Variants in CAPZB observed in about 807,000 individuals in gnomAD.
The protein encoded by CAPZB is F-actin-capping protein subunit beta.
In CAPZB, 2 loss-of-function variants were observed where a neutral mutation model predicts 38.1. The observed-to-expected ratio is 0.05, with a 90% CI of 0.02 to 0.17. The LOEUF is 0.17. Among genes scored for constraint, CAPZB ranks in the 10% least tolerant of loss-of-function variants. The pLI is 1.00. For synonymous variants in CAPZB, 107 were observed against 127.4 expected, an observed-to-expected ratio of 0.84 and a Z score of 1.08; for missense variants, 161 against 334.2, an observed-to-expected ratio of 0.48 and a Z score of 4.04.
intron 2 of CAPZB, among the ~76,000 whole-genome samples, chr1:19,395,321 T>C (rs947902182): frequency 1.3e-5 from 2 of 152,192 alleles, no homozygotes; most frequent in Admixed American, 6.5e-5. Flanking sequence ...GTCTTCCACA[T>C]GCCATTAACA....
At chr1:19,402,923 C>T (rs1196931344) in intron 2 of CAPZB, among the ~76,000 whole-genome samples, 1 of 152,102 alleles carries the variant, frequency 6.6e-6, no homozygotes, top group African/African-American at 2.4e-5. Flanking sequence ...GTGGCAGGCA[C>T]CTGTAATCCC....
intron 1 of CAPZB, among the ~76,000 whole-genome samples, chr1:19,425,205 C>A (rs573575326): frequency 1.3e-5 from 2 of 152,352 alleles, no homozygotes; most frequent in Admixed American, 1.3e-4. Context: ...CTGGTCCAGG[C>A]ACCTCCTTCA....
At chr1:19,479,765 C>T (rs924519) in intron 1 of CAPZB, among the ~76,000 whole-genome samples, 84,249 of 151,958 alleles carry the variant, frequency 0.55, 24,092 homozygotes, top group Non-Finnish European at 0.63. Context: ...CCAGCCTCCT[C>T]GAATTTCTAC....
Position 19,357,337 on chromosome 1 carries a change from T to C in CAPZB, c.471+85A>G. The C allele has an allele frequency of 8.0e-7, 1 of 1,245,990 alleles. No individual in the cohort carries two copies. The highest frequency in any genetic ancestry group is 1.2e-6 in the Non-Finnish European group (1 of 862,550). 77.2% of individuals were successfully genotyped at this position (1,245,990 alleles called of 1,614,324 possible). Reference sequence around the variant, plus strand: ...TTCAGAGATCACAGCATCCCCCTACTGCATCTGTTAGAGAGCAGCGCGGCA... The same window carrying C: ...TTCAGAGATCACAGCATCCCCCTACCGCATCTGTTAGAGAGCAGCGCGGCA... On this transcript the variant is annotated intron_variant, in intron 5 of 8. Coordinates refer to ENST00000264202, the MANE Select transcript of CAPZB (RefSeq NM_004930.5). This position sits in a 1 kb window ranked among gnomAD's most constrained non-coding sequence, Gnocchi z 4.3.
intron 4 of CAPZB, among the ~76,000 whole-genome samples, chr1:19,371,073 C>T (rs1046457461): frequency 6.6e-6 from 1 of 152,212 alleles, no homozygotes; most frequent in Non-Finnish European, 1.5e-5. Flanking sequence ...ATTCTCTCTC[C>T]AGTCACTGCA....
chr1:19,446,730 T>C (rs2094497235), intron 1 of CAPZB, among the ~76,000 whole-genome samples: 1 of 152,194 alleles, frequency 6.6e-6, no homozygotes, highest in South Asian at 2.1e-4. Flanking sequence ...GTTTTATGTT[T>C]AATTAGCGAA....
chr1:19,450,013 G>A (rs1164866579), intron 1 of CAPZB, among the ~76,000 whole-genome samples: 2 of 150,872 alleles, frequency 1.3e-5, no homozygotes, highest in South Asian at 2.1e-4. Context: ...ATGATGTTGC[G>A]CACCCGTAGT....
chr1:19,464,622 C>T (rs1437671672), intron 1 of CAPZB, among the ~76,000 whole-genome samples: 1 of 152,122 alleles, frequency 6.6e-6, no homozygotes, highest in African/African-American at 2.4e-5. Context: ...CAGATTTACT[C>T]TCAACATCCA....
intron 1 of CAPZB, among the ~76,000 whole-genome samples, chr1:19,441,941 G>A (rs1348502748): frequency 1.3e-5 from 2 of 149,146 alleles, no homozygotes; most frequent in Non-Finnish European, 3.0e-5. Context: ...CCGGGGAGGC[G>A]GAGGTTGCAG....
chr1:19,371,612 C>T (rs920595604), intron 4 of CAPZB, among the ~76,000 whole-genome samples: 17 of 152,162 alleles, frequency 1.1e-4, no homozygotes, highest in South Asian at 2.1e-4. Context: ...GGGCCTCAGA[C>T]GCCATGGGTG....
intron 1 of CAPZB, among the ~76,000 whole-genome samples, chr1:19,471,750 C>A (rs2100780001): frequency 6.6e-6 from 1 of 152,144 alleles, no homozygotes; most frequent in East Asian, 1.9e-4. Context: ...GCCTGTAGTC[C>A]CAGCTACTCG....
At chr1:19,350,138 C>T (rs1245175209) in intron 6 of CAPZB, among the ~76,000 whole-genome samples, 2 of 152,238 alleles carry the variant, frequency 1.3e-5, no homozygotes, top group Non-Finnish European at 2.9e-5. Flanking sequence ...GCCTTTCCCC[C>T]AGAGGGGATG....
At chr1:19,451,635 C>T (rs1030377217) in intron 1 of CAPZB, among the ~76,000 whole-genome samples, 5 of 152,026 alleles carry the variant, frequency 3.3e-5, no homozygotes, top group African/African-American at 1.2e-4. Flanking sequence ...GACAGAGGCT[C>T]TGGGGAGTGG....
chr1:19,429,578 C>T (rs910379081), intron 1 of CAPZB, among the ~76,000 whole-genome samples: 1 of 152,192 alleles, frequency 6.6e-6, no homozygotes, highest in Admixed American at 6.5e-5. Context: ...TGAGGTACCA[C>T]GTCTGGGCCA....
intron 1 of CAPZB, among the ~76,000 whole-genome samples, chr1:19,454,025 T>G (rs1209934340): frequency 6.6e-6 from 1 of 152,212 alleles, no homozygotes; most frequent in African/African-American, 2.4e-5. Context: ...CGCTGCCTCC[T>G]GGAGTTGTAG....
chr1:19,342,754 G>A, intron 8 of CAPZB: 1 of 1,601,572 alleles, frequency 6.2e-7, no homozygotes, highest in Non-Finnish European at 8.5e-7. Flanking sequence ...CAGGGTACCT[G>A]GATCGGCTTA....
Position 19,339,444 on chromosome 1 carries a change from G to T in CAPZB, c.*86C>A. Reference sequence around the variant, plus strand: ...TTATGTGACCTGTCGGGGAGGGAAGGGACGAGGGAAGGGAGCAGAAAACGA... The same window carrying T: ...TTATGTGACCTGTCGGGGAGGGAAGTGACGAGGGAAGGGAGCAGAAAACGA... On this transcript the variant is annotated 3_prime_UTR_variant, in exon 9 of 9. Transcript: ENST00000264202. 1 of 945,210 alleles carries T rather than the reference G, an allele frequency of 1.1e-6. No homozygotes were observed. The highest frequency in any genetic ancestry group is 1.8e-6 in the Non-Finnish European group (1 of 570,904). The allele number at this position is 945,210 out of a possible 1,614,324, so 58.6% of individuals were successfully genotyped here.
chr1:19,444,672 G>A (rs1485986584), intron 1 of CAPZB, among the ~76,000 whole-genome samples: 1 of 152,210 alleles, frequency 6.6e-6, no homozygotes, highest in Non-Finnish European at 1.5e-5. Flanking sequence ...ACGTGTAGCT[G>A]AAATTCAGAG....
At chr1:19,369,281 T>C (rs1401910412) in intron 4 of CAPZB, among the ~76,000 whole-genome samples, 1 of 152,126 alleles carries the variant, frequency 6.6e-6, no homozygotes, top group African/African-American at 2.4e-5. Context: ...TTGATAACTG[T>C]AGCAGACACC....
Sources: allele counts gnomAD v4.1 joint callset (sites outside exome capture counted in the v4.1 genomes callset), GRCh38; gene constraint gnomAD v4.1.1; non-coding constraint Gnocchi (gnomAD v3.1); transcripts MANE v1.5; gene names NCBI Gene and HGNC (gene_info 2026-07-23, HGNC 2026-07-21).